CCSER1: variants seen among roughly 807,000 people sequenced by gnomAD.
CCSER1 encodes the protein serine-rich coiled-coil domain-containing protein 1.
CCSER1 carries 41 observed loss-of-function variants against 82.0 expected under a neutral mutation model. That is an observed-to-expected ratio of 0.50 (90% CI 0.39 to 0.65). The LOEUF (loss-of-function observed/expected upper bound fraction) is 0.65. Among genes scored for constraint, CCSER1 ranks in the 30% least tolerant of loss-of-function variants. The pLI is 0.00. For missense variants in CCSER1, 1,119 were observed against 1,064.2 expected (o/e 1.05, Z -0.72); for synonymous variants, 414 against 383.9 (o/e 1.08, Z -0.92).
At chr4:90,903,369 T>A (rs186369397) in intron 8 of CCSER1, among the ~76,000 whole-genome samples, 7 of 152,144 alleles carry the variant, frequency 4.6e-5, no homozygotes, top group Admixed American at 3.3e-4. Flanking sequence ...ATGTAAGGAG[T>A]GCCTTTCACC....
intron 4 of CCSER1, among the ~76,000 whole-genome samples, chr4:90,452,400 C>G (rs970429684): frequency 6.6e-6 from 1 of 152,168 alleles, no homozygotes; most frequent in African/African-American, 2.4e-5. Context: ...AGAGGCTCCC[C>G]TTAGAAGACA....
intron 10 of CCSER1, among the ~76,000 whole-genome samples, chr4:91,529,332 A>G (rs1301465316): frequency 2.0e-5 from 3 of 152,028 alleles, no homozygotes; most frequent in African/African-American, 7.2e-5. Flanking sequence ...CATGAGGGTA[A>G]TTTTGTTTAC....
intron 9 of CCSER1, among the ~76,000 whole-genome samples, chr4:91,006,597 C>G (rs1221088024): frequency 6.6e-6 from 1 of 151,740 alleles, no homozygotes; most frequent in African/African-American, 2.4e-5. Flanking sequence ...TCACACCATT[C>G]TCCTGCCTCA....
chr4:91,388,904 T>C (rs1474820802), intron 10 of CCSER1, among the ~76,000 whole-genome samples: 2 of 152,060 alleles, frequency 1.3e-5, no homozygotes, highest in Admixed American at 1.3e-4. Flanking sequence ...GAGGTACGTG[T>C]TCAGGTCTTT....
chr4:91,460,563 T>C (rs1756447657), intron 10 of CCSER1, among the ~76,000 whole-genome samples: 1 of 152,180 alleles, frequency 6.6e-6, no homozygotes, highest in Non-Finnish European at 1.5e-5. Context: ...TTGGTGATGA[T>C]GGTGATGATG....
At position 91,305,940 on chromosome 4, in the gene CCSER1, G is replaced by A. The variant is rs990975726; in HGVS notation, c.2217+219946G>A. The stretch of plus-strand genomic sequence containing the variant: ...TCACGAGAACAGCATGGGAGAACAT[G>A]CCCCCATGATTCAGTTATCTCCCAC... On this transcript the variant is annotated intron_variant, in intron 10 of 10. Coordinates refer to ENST00000509176, the MANE Select transcript of CCSER1 (RefSeq NM_001145065.2). 2.0e-5 allele frequency among the ~76,000 whole-genome samples: 3 copies of A among 151,860 alleles called. No homozygotes were observed. In the South Asian group the frequency reaches 6.2e-4, roughly 32 times the overall value.
At chr4:91,412,560 G>T (rs1753121294) in intron 10 of CCSER1, among the ~76,000 whole-genome samples, 1 of 152,016 alleles carries the variant, frequency 6.6e-6, no homozygotes, top group African/African-American at 2.4e-5. Context: ...AACCCACCCA[G>T]GGACCAGACA....
chr4:90,189,404 A>T (rs1299111486), intron 1 of CCSER1, among the ~76,000 whole-genome samples: 1 of 151,846 alleles, frequency 6.6e-6, no homozygotes, highest in Non-Finnish European at 1.5e-5. Flanking sequence ...TCCTCAGATG[A>T]CCTCTCAGTG....
chr4:90,636,734 G>A (rs1560856961), intron 6 of CCSER1, among the ~76,000 whole-genome samples: 1 of 152,050 alleles, frequency 6.6e-6, no homozygotes, highest in Non-Finnish European at 1.5e-5. Flanking sequence ...CATACTTGAT[G>A]GTAAAACACT....
At chr4:91,391,671 T>C (rs13117797) in intron 10 of CCSER1, among the ~76,000 whole-genome samples, 11,239 of 152,252 alleles carry the variant, frequency 0.074, 555 homozygotes, top group Middle Eastern at 0.13. Context: ...AGTCTGTTGC[T>C]AACTTCTTGT....
intron 10 of CCSER1, among the ~76,000 whole-genome samples, chr4:91,594,450 T>C (rs890821527): frequency 3.4e-5 from 5 of 147,790 alleles, no homozygotes; most frequent in Admixed American, 2.0e-4. Context: ...CATATATACA[T>C]ATATATACAC....
intron 6 of CCSER1, among the ~76,000 whole-genome samples, chr4:90,697,438 G>A (rs928174600): frequency 2.0e-5 from 3 of 151,906 alleles, no homozygotes; most frequent in Admixed American, 2.0e-4. Context: ...AAGATTAAAA[G>A]CACCTGAGTA....
intron 10 of CCSER1, among the ~76,000 whole-genome samples, chr4:91,347,840 A>T (rs1348954644): frequency 1.4e-5 from 2 of 147,976 alleles, no homozygotes; most frequent in African/African-American, 5.1e-5. Context: ...ATATTGCTGT[A>T]ATCACTTCTT....
intron 10 of CCSER1, among the ~76,000 whole-genome samples, chr4:91,571,202 G>A (rs775146331): frequency 3.3e-5 from 5 of 152,136 alleles, no homozygotes; most frequent in African/African-American, 4.8e-5. Context: ...ACATTTTCTC[G>A]TCTTCTGAGC....
At chr4:90,942,919 T>C (rs1200054681) in intron 9 of CCSER1, among the ~76,000 whole-genome samples, 1 of 147,246 alleles carries the variant, frequency 6.8e-6, no homozygotes, top group African/African-American at 2.5e-5. Context: ...ATATAAAATG[T>C]ATATATTATA....
At chr4:90,864,027 G>A (rs1765427414) in intron 8 of CCSER1, among the ~76,000 whole-genome samples, 1 of 126,974 alleles carries the variant, frequency 7.9e-6, no homozygotes, top group African/African-American at 2.8e-5. Flanking sequence ...TTACCACCAT[G>A]AGCTGTGCTC....
intron 7 of CCSER1, among the ~76,000 whole-genome samples, chr4:90,776,783 C>A (rs1299686939): frequency 6.6e-6 from 1 of 152,118 alleles, no homozygotes; most frequent in Non-Finnish European, 1.5e-5. Flanking sequence ...GAGATTTGAG[C>A]AATTTGAGAA....
Position 90,468,310 on chromosome 4 carries a change from A to C in CCSER1, c.1680A>C (p.Glu560Asp). Residue 560 changes from glutamate to aspartate, a missense_variant, in exon 5 of 11, where the codon GAA becomes GAC. Physicochemically the swap from Glu to Asp is conservative, Grantham distance 45 (BLOSUM62 2). Coordinates refer to ENST00000509176, the MANE Select transcript of CCSER1 (RefSeq NM_001145065.2). ...TTACTCCTATGGAACCAATGATAGA[A>C]ATGAAGAAAAGAGAAGAACCAGAAT... ...VVLTPMEPMI[E>D]MKKREEPEFP... 6.2e-7 allele frequency: 1 copy of C among 1,609,032 alleles called. No individual in the cohort carries two copies. The highest frequency in any genetic ancestry group is 8.5e-7 in the Non-Finnish European group (1 of 1,176,744).
chr4:90,915,769 T>C (rs1332362180), intron 8 of CCSER1, among the ~76,000 whole-genome samples: 6 of 151,866 alleles, frequency 4.0e-5, no homozygotes, highest in Admixed American at 1.3e-4. Flanking sequence ...AAAACCCCAT[T>C]GTCTCAGCCC....
Sources: gnomAD v4.1 joint callset for allele counts (sites outside exome capture counted in the v4.1 genomes callset) on GRCh38, gnomAD v4.1.1 for gene constraint, MANE v1.5 for transcripts, NCBI Gene and HGNC (gene_info 2026-07-23, HGNC 2026-07-21) for gene names.